ANKS1B: variants seen among roughly 807,000 people sequenced by gnomAD.
ANKS1B encodes the protein ankyrin repeat and sterile alpha motif domain containing 1B, also known as ankyrin repeat and sterile alpha motif domain-containing protein 1B.
In ANKS1B, 36 loss-of-function variants were observed where a neutral mutation model predicts 148.3. The ratio of observed to expected loss-of-function variants is 0.24; its 90% CI spans 0.19 to 0.32. The LOEUF (loss-of-function observed/expected upper bound fraction) is 0.32. Ranked by LOEUF, ANKS1B falls within the 10% of genes least tolerant of loss-of-function variation. ANKS1B has a pLI of 1.00. For missense variants in ANKS1B, 1,157 were observed against 1,542.6 expected, an observed-to-expected ratio of 0.75 and a Z score of 4.19; for synonymous variants, 542 against 560.8, an observed-to-expected ratio of 0.97 and a Z score of 0.47.
rs150548256 is a variant in ANKS1B at position 99,625,180 on chromosome 12, C to T, written c.1272+29887G>A. 8.9e-4 allele frequency among the ~76,000 whole-genome samples: 135 copies of T among 151,884 alleles called. No homozygotes were observed. The Middle Eastern group carries it at 0.014, about 15-fold the overall frequency. ...CCAAATGTCACCTCTTCTCATAAAG[C>T]GGGAGTTAAATCTTGGGTACACATG... On this transcript the variant is annotated intron_variant, in intron 9 of 26. Coordinates refer to ENST00000683438, the MANE Select transcript of ANKS1B (RefSeq NM_001352186.2).
intron 9 of ANKS1B, among the ~76,000 whole-genome samples, chr12:99,509,822 A>C (rs2096746379): frequency 6.6e-6 from 1 of 152,010 alleles, no homozygotes; most frequent in African/African-American, 2.4e-5. Context: ...TCACAGCTAG[A>C]GAAGAGAAGT....
chr12:99,812,605 C>T (rs190678493), intron 2 of ANKS1B, among the ~76,000 whole-genome samples: 41 of 146,272 alleles, frequency 2.8e-4, no homozygotes, highest in Non-Finnish European at 3.9e-4. Flanking sequence ...CATTGACTAA[C>T]CAATTAAACT....
intron 12 of ANKS1B, chr12:99,352,158 C>T (rs777309711): frequency 1.3e-5 from 2 of 151,796 alleles, no homozygotes; most frequent in African/African-American, 2.4e-5. Flanking sequence ...AAAACATGTT[C>T]TTTACTCCAA....
chr12:99,873,817 G>A (rs542467172), intron 1 of ANKS1B, among the ~76,000 whole-genome samples: 4 of 152,088 alleles, frequency 2.6e-5, no homozygotes, highest in South Asian at 4.2e-4. Context: ...GGTAGGCCTC[G>A]TTCAATCAGT....
chr12:98,972,714 G>T (rs189797008), intron 17 of ANKS1B, among the ~76,000 whole-genome samples: 1 of 152,252 alleles, frequency 6.6e-6, no homozygotes, highest in Non-Finnish European at 1.5e-5. Context: ...ATTAGAAATG[G>T]AAATCTGGAC....
intron 9 of ANKS1B, among the ~76,000 whole-genome samples, chr12:99,623,626 G>T (rs1033043031): frequency 6.6e-6 from 1 of 151,836 alleles, no homozygotes; most frequent in Non-Finnish European, 1.5e-5. Context: ...TTATCTGAGA[G>T]CCATATCAAG....
chr12:99,604,828 A>C (rs891962201), intron 9 of ANKS1B, among the ~76,000 whole-genome samples: 1 of 151,220 alleles, frequency 6.6e-6, no homozygotes, highest in Non-Finnish European at 1.5e-5. Flanking sequence ...AAAAAAAAAA[A>C]AAAAGAAAAG....
At chr12:99,057,932 C>G (rs1259161761) in intron 16 of ANKS1B, among the ~76,000 whole-genome samples, 1 of 152,126 alleles carries the variant, frequency 6.6e-6, no homozygotes, top group Non-Finnish European at 1.5e-5. Flanking sequence ...CAGGAAAGTC[C>G]AGATGAAGTT....
chr12:99,392,598 G>A (rs1188390037), intron 12 of ANKS1B, among the ~76,000 whole-genome samples: 6 of 152,164 alleles, frequency 3.9e-5, no homozygotes, highest in Admixed American at 3.9e-4. Flanking sequence ...AAGTGCTAAT[G>A]CACAAAATTC....
At chr12:98,842,853 CTTTATTA>C (rs2099415121) in intron 17 of ANKS1B, among the ~76,000 whole-genome samples, 1 of 152,166 alleles carries the variant, frequency 6.6e-6, no homozygotes, top group South Asian at 2.1e-4. Context: ...GTAGCATATT[CTTTATTA>C]TAAGTGCACA....
At chr12:99,207,533 G>C (rs1211762771) in intron 14 of ANKS1B, among the ~76,000 whole-genome samples, 1 of 151,992 alleles carries the variant, frequency 6.6e-6, no homozygotes, top group Non-Finnish European at 1.5e-5. Flanking sequence ...TGAAAAAATT[G>C]TTATATGAGG....
intron 9 of ANKS1B, among the ~76,000 whole-genome samples, chr12:99,554,621 T>C (rs2097257522): frequency 6.6e-6 from 1 of 152,174 alleles, no homozygotes; most frequent in South Asian, 2.1e-4. Flanking sequence ...CCATAATCCA[T>C]GAAGAAAAGA....
chr12:99,621,746 A>T lies in ANKS1B; in HGVS notation c.1272+33321T>A, dbSNP rs529906129. ...ACACACCCAACATTGAAGCATCTGG[A>T]TTCATAAAACAAGTATTTCTAGAGC... On this transcript the variant is annotated intron_variant, in intron 9 of 26. Coordinates refer to ENST00000683438, the MANE Select transcript of ANKS1B (RefSeq NM_001352186.2). Among the ~76,000 whole-genome samples, 5 of 152,244 alleles carry T rather than the reference A, an allele frequency of 3.3e-5. No individual in the cohort carries two copies. The East Asian group carries it at 7.7e-4, about 23-fold the overall frequency.
intron 8 of ANKS1B, among the ~76,000 whole-genome samples, chr12:99,724,717 G>T (rs1278915883): frequency 6.6e-6 from 1 of 151,954 alleles, no homozygotes; most frequent in Non-Finnish European, 1.5e-5. Context: ...GATTCTCCAA[G>T]GTCGAAAGGA....
At chr12:99,384,102 T>G (rs2093761165) in intron 12 of ANKS1B, among the ~76,000 whole-genome samples, 1 of 152,122 alleles carries the variant, frequency 6.6e-6, no homozygotes, top group Non-Finnish European at 1.5e-5. Context: ...AGCAGAGATT[T>G]TGTCTGTTTG....
chr12:98,782,109 C>T lies in ANKS1B; in HGVS notation c.3354+17G>A. 6.3e-7 allele frequency: 1 copy of T among 1,594,504 alleles called. No homozygotes were observed. On this transcript the variant is annotated intron_variant, in intron 23 of 26. Transcript: ENST00000683438. ...ATATACTAGTAATAATCACACTAAA[C>T]ATCAAGAAGAACCTACCTGACAGTT... is the stretch of plus-strand genomic sequence containing the variant.
intron 12 of ANKS1B, among the ~76,000 whole-genome samples, chr12:99,312,279 C>T (rs1159053250): frequency 6.6e-6 from 1 of 152,170 alleles, no homozygotes; most frequent in Non-Finnish European, 1.5e-5. Context: ...GCAACATTTA[C>T]GGACTTATAA....
At chr12:98,759,130 G>C (rs946155286) in intron 25 of ANKS1B, among the ~76,000 whole-genome samples, 9 of 152,022 alleles carry the variant, frequency 5.9e-5, no homozygotes, top group Non-Finnish European at 1.2e-4. Context: ...GGAGCTTAAG[G>C]AACCACTGTA....
At chr12:99,213,333 T>TA (rs1446313133) in intron 14 of ANKS1B, among the ~76,000 whole-genome samples, 1 of 152,182 alleles carries the variant, frequency 6.6e-6, no homozygotes, top group East Asian at 1.9e-4. Flanking sequence ...CTGCTTTATT[T>TA]CAAACATTGC....
Sources: allele counts gnomAD v4.1 joint callset (sites outside exome capture counted in the v4.1 genomes callset), GRCh38; gene constraint gnomAD v4.1.1; transcripts MANE v1.5; gene names NCBI Gene and HGNC (gene_info 2026-07-23, HGNC 2026-07-21).